The following LRMDA variants were observed in gnomAD, a reference collection of about 807,000 sequenced individuals.
LRMDA encodes leucine-rich melanocyte differentiation-associated protein.
In LRMDA, 18 loss-of-function variants were observed where a neutral mutation model predicts 29.8. The ratio of observed to expected loss-of-function variants is 0.60; its 90% CI spans 0.42 to 0.90. LRMDA has a LOEUF of 0.90. LRMDA is among the 40% of genes least tolerant of loss of function. The pLI, the probability that LRMDA is intolerant of heterozygous loss-of-function variation, is 0.00. For synonymous variants in LRMDA, 125 were observed against 109.4 expected (o/e 1.14, Z -0.89); for missense variants, 273 against 273.9 (o/e 1.00, Z 0.02).
chr10:75,847,369 T>G (rs538033298), intron 2 of LRMDA, among the ~76,000 whole-genome samples: 14 of 152,156 alleles, frequency 9.2e-5, no homozygotes, highest in African/African-American at 3.4e-4. Flanking sequence ...CATTTTATAG[T>G]TTTAGTTATT....
At position 76,487,660 on chromosome 10, in the gene LRMDA, A is replaced by G. The variant is rs1299671990; in HGVS notation, c.602-69549A>G. 2.6e-5 allele frequency among the ~76,000 whole-genome samples: 4 copies of G among 151,854 alleles called. No individual in the cohort carries two copies. The South Asian group carries it at 6.2e-4, about 24-fold the overall frequency. The stretch of plus-strand genomic sequence containing the variant: ...AAGACACACCTTCCAAGAATTTACA[A>G]TCTGTTAGTGGGATTGAGAAATAAG... On this transcript the variant is annotated intron_variant, in intron 6 of 6. Transcript: ENST00000611255.
At chr10:76,475,817 T>C (rs920275495) in intron 6 of LRMDA, among the ~76,000 whole-genome samples, 5 of 151,870 alleles carry the variant, frequency 3.3e-5, no homozygotes, top group African/African-American at 1.2e-4. Context: ...CATAACGAAA[T>C]GAAGGCAGAA....
At chr10:75,973,541 C>T (rs1298555896) in intron 2 of LRMDA, among the ~76,000 whole-genome samples, 4 of 151,930 alleles carry the variant, frequency 2.6e-5, no homozygotes, top group African/African-American at 9.7e-5. Flanking sequence ...GCCTCAGCCT[C>T]CCAAGTAGCT....
chr10:75,617,064 A>C (rs1483960240), intron 2 of LRMDA, among the ~76,000 whole-genome samples: 2 of 152,192 alleles, frequency 1.3e-5, no homozygotes, highest in Non-Finnish European at 2.9e-5. Context: ...TTTCTATGAA[A>C]GTGTGCATTT....
At chr10:75,586,789 G>A (rs1840661561) in intron 2 of LRMDA, among the ~76,000 whole-genome samples, 1 of 148,818 alleles carries the variant, frequency 6.7e-6, no homozygotes, top group Non-Finnish European at 1.5e-5. Context: ...GTCTATTCAA[G>A]TTCTTAGTCC....
At chr10:75,664,238 C>T (rs1377201706) in intron 2 of LRMDA, among the ~76,000 whole-genome samples, 1 of 152,216 alleles carries the variant, frequency 6.6e-6, no homozygotes, top group Non-Finnish European at 1.5e-5. Context: ...TGCCACTTAC[C>T]TTTCATACAA....
At chr10:75,520,405 C>T (rs1043989222) in intron 2 of LRMDA, among the ~76,000 whole-genome samples, 1 of 152,014 alleles carries the variant, frequency 6.6e-6, no homozygotes, top group Non-Finnish European at 1.5e-5. Context: ...TAAACTTGTC[C>T]TCTTGCTTTA....
At chr10:75,923,552 C>A (rs1301733195) in intron 2 of LRMDA, among the ~76,000 whole-genome samples, 2 of 152,124 alleles carry the variant, frequency 1.3e-5, no homozygotes, top group African/African-American at 2.4e-5. Context: ...TCCCGTGATT[C>A]CCCCTTTCCA....
intron 2 of LRMDA, among the ~76,000 whole-genome samples, chr10:75,455,614 G>C (rs1844506474): frequency 6.6e-6 from 1 of 152,170 alleles, no homozygotes; most frequent in African/African-American, 2.4e-5. Flanking sequence ...CATGGAGAGA[G>C]GGTTCCCAGC....
chr10:76,036,276 G>GAAAT (rs1848244450), intron 3 of LRMDA, 142 bp downstream of exon 3: 17 of 857,340 alleles, frequency 2.0e-5, no homozygotes, highest in African/African-American at 1.9e-4. Context: ...ACAGTTCGTG[G>GAAAT]GCAGACAAAG....
At chr10:76,158,165 C>T (rs1447785305) in intron 5 of LRMDA, among the ~76,000 whole-genome samples, 2 of 152,082 alleles carry the variant, frequency 1.3e-5, no homozygotes, top group African/African-American at 4.8e-5. Flanking sequence ...CATCTCTAAC[C>T]ATTCTTTCAT....
intron 2 of LRMDA, among the ~76,000 whole-genome samples, chr10:75,617,302 C>G (rs928170286): frequency 6.6e-6 from 1 of 152,130 alleles, no homozygotes. Context: ...CAAGGTTTCC[C>G]ATTTACAACC....
chr10:76,541,527 A>G (rs1843355378), intron 6 of LRMDA, among the ~76,000 whole-genome samples: 1 of 152,190 alleles, frequency 6.6e-6, no homozygotes, highest in Non-Finnish European at 1.5e-5. Context: ...TTCAGGGAAA[A>G]TTGAACTGAT....
At chr10:75,489,055 A>G (rs1377984623) in intron 2 of LRMDA, among the ~76,000 whole-genome samples, 2 of 152,156 alleles carry the variant, frequency 1.3e-5, no homozygotes, top group Non-Finnish European at 2.9e-5. Flanking sequence ...TACATAGGTT[A>G]CAACCAAAGG....
chr10:75,483,828 T>C (rs1844879089), intron 2 of LRMDA, among the ~76,000 whole-genome samples: 1 of 151,378 alleles, frequency 6.6e-6, no homozygotes, highest in African/African-American at 2.4e-5. Flanking sequence ...TGCTTCTCAT[T>C]TTTTTTCCTT....
intron 5 of LRMDA, among the ~76,000 whole-genome samples, chr10:76,115,846 G>A (rs1849659053): frequency 6.6e-6 from 1 of 152,128 alleles, no homozygotes; most frequent in Non-Finnish European, 1.5e-5. Context: ...TGGTGAGGGA[G>A]AAAATGGAGG....
intron 2 of LRMDA, among the ~76,000 whole-genome samples, chr10:75,841,898 G>C (rs1423773998): frequency 6.6e-6 from 1 of 152,114 alleles, no homozygotes; most frequent in African/African-American, 2.4e-5. Flanking sequence ...ACTAGCCCTG[G>C]GTTTGGAGGC....
chr10:75,526,051 A>G (rs2132039962), intron 2 of LRMDA, among the ~76,000 whole-genome samples: 1 of 150,990 alleles, frequency 6.6e-6, no homozygotes, highest in South Asian at 2.1e-4. Context: ...TTATTATTTT[A>G]TTTATTTATT....
intron 2 of LRMDA, among the ~76,000 whole-genome samples, chr10:75,653,539 ATATCCAGTTGAATACAATATACTG>A (rs1381281275): frequency 6.6e-6 from 1 of 152,202 alleles, no homozygotes; most frequent in Non-Finnish European, 1.5e-5. Context: ...AACAATGTAA[ATATCCAGTTGAATACAATATACTG>A]TAATAATGAA....
Sources: allele counts gnomAD v4.1 joint callset (sites outside exome capture counted in the v4.1 genomes callset), GRCh38; gene constraint gnomAD v4.1.1; transcripts MANE v1.5; gene names NCBI Gene and HGNC (gene_info 2026-07-23, HGNC 2026-07-21).